Variants in NDST4 observed in about 807,000 individuals in gnomAD.
NDST4 encodes the protein N-deacetylase and N-sulfotransferase 4.
A neutral mutation model predicts 100.8 loss-of-function variants in NDST4; 63 were observed. The observed-to-expected ratio is 0.62, with a 90% CI of 0.51 to 0.77. The LOEUF (loss-of-function observed/expected upper bound fraction) is 0.77. NDST4 is among the 30% of genes least tolerant of loss of function. The pLI, the probability that NDST4 is intolerant of heterozygous loss-of-function variation, is 0.00. For synonymous variants in NDST4, 377 were observed against 361.8 expected, an observed-to-expected ratio of 1.04 and a Z score of -0.48; for missense variants, 943 against 1,018.4, an observed-to-expected ratio of 0.93 and a Z score of 1.01.
intron 1 of NDST4, among the ~76,000 whole-genome samples, chr4:115,105,112 A>G (rs776722570): frequency 6.6e-6 from 1 of 152,156 alleles, no homozygotes; most frequent in Non-Finnish European, 1.5e-5. Context: ...GGTGGAAACC[A>G]AGGTTAACAC....
At chr4:114,841,426 C>A (rs979389493) in intron 10 of NDST4, among the ~76,000 whole-genome samples, 2 of 152,136 alleles carry the variant, frequency 1.3e-5, no homozygotes, top group Admixed American at 6.6e-5. Flanking sequence ...GGGCCCTGCT[C>A]ACTGCAATAC....
chr4:114,934,912 C>T (rs1371057159), intron 6 of NDST4: 1 of 160,938 alleles, frequency 6.2e-6, no homozygotes, highest in Non-Finnish European at 1.3e-5. Flanking sequence ...AGAGAAAGAC[C>T]TAACTTGAAA....
intron 2 of NDST4, among the ~76,000 whole-genome samples, chr4:115,031,469 T>A (rs36126200): frequency 0.13 from 20,319 of 151,996 alleles, 1,731 homozygotes; most frequent in East Asian, 0.42. Context: ...CACTCTGGTG[T>A]AGAGTACTGC....
At chr4:115,101,957 A>G (rs1329162512) in intron 1 of NDST4, among the ~76,000 whole-genome samples, 1 of 152,098 alleles carries the variant, frequency 6.6e-6, no homozygotes, top group African/African-American at 2.4e-5. Context: ...GATTTTGAGG[A>G]GAAAAGAGAG....
intron 1 of NDST4, among the ~76,000 whole-genome samples, chr4:115,105,227 T>G (rs1265602751): frequency 2.0e-5 from 3 of 152,180 alleles, no homozygotes; most frequent in African/African-American, 7.2e-5. Context: ...ATCTCTGCAT[T>G]CTTTAAAATT....
At chr4:114,922,008 T>C (rs1419565240) in intron 6 of NDST4, among the ~76,000 whole-genome samples, 1 of 131,454 alleles carries the variant, frequency 7.6e-6, no homozygotes, top group Admixed American at 8.3e-5. Flanking sequence ...AGTCGGTAGT[T>C]AGTCAGACCC....
chr4:114,998,222 C>T (rs930606750), intron 2 of NDST4, among the ~76,000 whole-genome samples: 6 of 152,066 alleles, frequency 3.9e-5, no homozygotes, highest in African/African-American at 9.7e-5. Flanking sequence ...AATGCAAAAA[C>T]GGATGCTTCA....
chr4:114,839,467 C>A lies in NDST4; in HGVS notation c.2197G>T (p.Asp733Tyr). 1 of 1,613,946 alleles carries A rather than the reference C, an allele frequency of 6.2e-7. No homozygotes were observed. The highest frequency in any genetic ancestry group is 1.7e-5 in the Admixed American group (1 of 60,018). Residue 733 changes from aspartate (D) to tyrosine (Y), a missense_variant, in exon 11 of 14, where the codon GAC becomes TAC. Physicochemically the swap from Asp to Tyr is radical, Grantham distance 160. This residue lies in a region of NDST4 where 526 missense variants were observed against 634.1 expected (regional missense o/e 0.83). Coordinates refer to ENST00000264363, the MANE Select transcript of NDST4 (RefSeq NM_022569.3). Reference sequence around the variant, plus strand: ...CATCTTCTCTGCAAAGTTTTTAAGTCAGATGGAGCCCAATGTCCTGTTGAA... The same window carrying A: ...CATCTTCTCTGCAAAGTTTTTAAGTAAGATGGAGCCCAATGTCCTGTTGAA... ...VISTGHWAPSDLKTLQRRCLV... is the reference protein window; with the variant it reads ...VISTGHWAPSYLKTLQRRCLV...
chr4:114,995,147 C>A (rs1727132168), intron 2 of NDST4, among the ~76,000 whole-genome samples: 1 of 151,904 alleles, frequency 6.6e-6, no homozygotes, highest in Non-Finnish European at 1.5e-5. Flanking sequence ...TTCACCTAAG[C>A]CGAGTAGAAA....
chr4:114,937,584 G>C (rs1725657774), intron 4 of NDST4, 81 bp from the exon 5 acceptor site: 6 of 1,142,646 alleles, frequency 5.3e-6, no homozygotes, highest in Non-Finnish European at 7.4e-6. Context: ...CATCTATTTA[G>C]AATACATTGA....
At chr4:115,022,070 C>T (rs986779654) in intron 2 of NDST4, among the ~76,000 whole-genome samples, 1 of 151,296 alleles carries the variant, frequency 6.6e-6, no homozygotes, top group Non-Finnish European at 1.5e-5. Flanking sequence ...ATATACATTC[C>T]ACGTCTATAC....
At chr4:115,107,817 A>G (rs1167910895) in intron 1 of NDST4, among the ~76,000 whole-genome samples, 1 of 152,064 alleles carries the variant, frequency 6.6e-6, no homozygotes, top group Non-Finnish European at 1.5e-5. Context: ...GCAAAAGTAA[A>G]AAAGCTATTT....
At chr4:114,901,395 T>C (rs1171076695) in intron 6 of NDST4, among the ~76,000 whole-genome samples, 1 of 152,114 alleles carries the variant, frequency 6.6e-6, no homozygotes, top group Non-Finnish European at 1.5e-5. Flanking sequence ...TTGTAATCCC[T>C]GAATAACTTT....
chr4:114,891,981 T>C (rs1204909183), intron 6 of NDST4, among the ~76,000 whole-genome samples: 3 of 152,130 alleles, frequency 2.0e-5, no homozygotes, highest in African/African-American at 7.2e-5. Context: ...TATGAATAAT[T>C]GTAGCACTTC....
intron 2 of NDST4, among the ~76,000 whole-genome samples, chr4:115,026,454 CAT>C (rs1491059878): frequency 3.4e-5 from 5 of 148,850 alleles, no homozygotes; most frequent in African/African-American, 1.3e-4. Flanking sequence ...CACACACACA[CAT>C]ATACACATAC....
intron 13 of NDST4, 148 bp from the exon 14 acceptor site, chr4:114,828,083 AT>A: frequency 1.3e-6 from 1 of 765,478 alleles, no homozygotes; most frequent in Non-Finnish European, 1.8e-6. Context: ...AATATCAGTT[AT>A]TTTTACCTTT....
At chr4:115,023,820 C>G (rs1727916773) in intron 2 of NDST4, among the ~76,000 whole-genome samples, 6 of 152,114 alleles carry the variant, frequency 3.9e-5, no homozygotes. Flanking sequence ...GATGGTGCTA[C>G]TTTTATGACA....
At chr4:115,012,259 C>T (rs1160626002) in intron 2 of NDST4, among the ~76,000 whole-genome samples, 1 of 151,926 alleles carries the variant, frequency 6.6e-6, no homozygotes, top group African/African-American at 2.4e-5. Context: ...CCATTTTTTA[C>T]AACCAGCAAA....
intron 13 of NDST4, among the ~76,000 whole-genome samples, 167 bp downstream of exon 13, chr4:114,829,622 CT>C (rs1268658769): frequency 1.3e-5 from 2 of 152,116 alleles, no homozygotes; most frequent in Non-Finnish European, 2.9e-5. Flanking sequence ...CGATCTCTAT[CT>C]ATCTATCATT....
Sources: allele counts gnomAD v4.1 joint callset (sites outside exome capture counted in the v4.1 genomes callset), GRCh38; gene constraint gnomAD v4.1.1; regional missense constraint gnomAD v4.1.1; transcripts MANE v1.5; gene names NCBI Gene and HGNC (gene_info 2026-07-23, HGNC 2026-07-21).